The following HS3ST2 variants were observed in gnomAD, a reference collection of about 807,000 sequenced individuals.
HS3ST2 encodes heparan sulfate-glucosamine 3-sulfotransferase 2.
HS3ST2 carries 17 observed loss-of-function variants against 26.3 expected under a neutral mutation model. The observed-to-expected ratio is 0.65, with a 90% CI of 0.44 to 0.97. The LOEUF (loss-of-function observed/expected upper bound fraction) is 0.97. HS3ST2 is among the 50% of genes least tolerant of loss of function. The pLI, the probability that HS3ST2 is intolerant of heterozygous loss-of-function variation, is 0.00. For synonymous variants in HS3ST2, 237 were observed against 219.2 expected, an observed-to-expected ratio of 1.08 and a Z score of -0.72; for missense variants, 402 against 501.2, an observed-to-expected ratio of 0.80 and a Z score of 1.89.
intron 1 of HS3ST2, among the ~76,000 whole-genome samples, chr16:22,901,309 C>T (rs1380025140): frequency 2.6e-5 from 4 of 152,210 alleles, no homozygotes; most frequent in African/African-American, 9.6e-5. Context: ...GTCCTTTGTA[C>T]CAGTATTGCC....
chr16:22,818,687 CTTG>C (rs1439599561), intron 1 of HS3ST2, among the ~76,000 whole-genome samples: 7 of 133,950 alleles, frequency 5.2e-5, no homozygotes, highest in African/African-American at 2.3e-4. Context: ...TCCCTCCCTC[CTTG>C]CCTGCCTTCC....
intron 1 of HS3ST2, among the ~76,000 whole-genome samples, chr16:22,891,699 G>A (rs10492789): frequency 0.046 from 7,049 of 152,008 alleles, 192 homozygotes; most frequent in East Asian, 0.12. Context: ...ATTATGTCTC[G>A]CAATAAAAAA....
chr16:22,823,575 G>T (rs1901034534), intron 1 of HS3ST2, among the ~76,000 whole-genome samples: 1 of 150,702 alleles, frequency 6.6e-6, no homozygotes, highest in South Asian at 2.1e-4. Context: ...CTTCAGCCCA[G>T]GAGTTGGAGA....
chr16:22,833,132 A>T, intron 1 of HS3ST2: 4 of 427,966 alleles, frequency 9.3e-6, no homozygotes, highest in Non-Finnish European at 1.9e-5. Flanking sequence ...CTGGAATTGG[A>T]CACAGAGACT....
At chr16:22,861,113 G>A (rs899952944) in intron 1 of HS3ST2, among the ~76,000 whole-genome samples, 2 of 152,074 alleles carry the variant, frequency 1.3e-5, no homozygotes, top group Non-Finnish European at 2.9e-5. Context: ...CTGAGCTTAG[G>A]CAATCTTCCT....
At chr16:22,836,869 G>A (rs573777001) in intron 1 of HS3ST2, among the ~76,000 whole-genome samples, 33 of 152,072 alleles carry the variant, frequency 2.2e-4, no homozygotes, top group Non-Finnish European at 1.9e-4. Flanking sequence ...TGTTGGCCAG[G>A]CTAGTCTCAA....
intron 1 of HS3ST2, among the ~76,000 whole-genome samples, chr16:22,888,345 C>T (rs374776194): frequency 3.3e-5 from 5 of 149,632 alleles, no homozygotes; most frequent in African/African-American, 1.2e-4. Context: ...GATACAAAGG[C>T]TACTTTTCAA....
intron 1 of HS3ST2, among the ~76,000 whole-genome samples, chr16:22,838,339 G>A (rs894028546): frequency 8.5e-5 from 13 of 152,050 alleles, no homozygotes; most frequent in African/African-American, 1.2e-4. Flanking sequence ...AAGCTGACCC[G>A]CTGAGTATGC....
chr16:22,912,463 T>C (rs1902435262), intron 1 of HS3ST2, among the ~76,000 whole-genome samples: 2 of 152,086 alleles, frequency 1.3e-5, no homozygotes, highest in Non-Finnish European at 2.9e-5. Context: ...TGGTAAATCA[T>C]AGTGTTAGTG....
At chr16:22,886,462 G>A (rs1317741721) in intron 1 of HS3ST2, among the ~76,000 whole-genome samples, 2 of 152,110 alleles carry the variant, frequency 1.3e-5, no homozygotes, top group Non-Finnish European at 1.5e-5. Context: ...CCGGCCTCAC[G>A]GAAAATAGAC....
Position 22,814,602 on chromosome 16 carries a change from C to A in HS3ST2, c.-9C>A. On this transcript the variant is annotated 5_prime_UTR_variant, in exon 1 of 2. Transcript: ENST00000261374. Reference sequence around the variant, plus strand: ...GAAACCATGACCCCCGGCGCGGGCCCATGGAGCCATGGCCTATAGGGTCCT... The same window carrying A: ...GAAACCATGACCCCCGGCGCGGGCCAATGGAGCCATGGCCTATAGGGTCCT... 1 of 1,523,862 alleles carries A rather than the reference C, an allele frequency of 6.6e-7. No homozygotes were observed. The highest frequency in any genetic ancestry group is 8.8e-7 in the Non-Finnish European group (1 of 1,138,522). The allele number at this position is 1,523,862 out of a possible 1,614,324, so 94.4% of individuals were successfully genotyped here. A position where few individuals can be genotyped will look rare whatever the true frequency, so the allele number is the denominator to read the frequency against.
chr16:22,902,003 G>A (rs1323916505), intron 1 of HS3ST2, among the ~76,000 whole-genome samples: 2 of 152,254 alleles, frequency 1.3e-5, no homozygotes, highest in African/African-American at 4.8e-5. Flanking sequence ...CTACAGCCCA[G>A]CCCAGATCCC....
chr16:22,895,192 C>A (rs928071231), intron 1 of HS3ST2, among the ~76,000 whole-genome samples: 4 of 151,710 alleles, frequency 2.6e-5, no homozygotes, highest in Non-Finnish European at 5.9e-5. Context: ...TGAGTTCAAG[C>A]TATTCTCCTG....
At chr16:22,876,267 C>T (rs1567494293) in intron 1 of HS3ST2, among the ~76,000 whole-genome samples, 1 of 151,908 alleles carries the variant, frequency 6.6e-6, no homozygotes, top group Non-Finnish European at 1.5e-5. Flanking sequence ...AACAAATAAT[C>T]TCATCAAAAA....
intron 1 of HS3ST2, among the ~76,000 whole-genome samples, chr16:22,843,402 G>A (rs208941): frequency 0.14 from 20,780 of 152,098 alleles, 1,852 homozygotes; most frequent in East Asian, 0.22. Context: ...CCTCCTGCCC[G>A]CTAGTTGCAA....
intron 1 of HS3ST2, among the ~76,000 whole-genome samples, chr16:22,873,617 C>T (rs995506217): frequency 6.6e-6 from 1 of 152,166 alleles, no homozygotes; most frequent in African/African-American, 2.4e-5. Context: ...AGGATTAAGC[C>T]TAGTCTATCC....
At chr16:22,886,449 C>G (rs1251435383) in intron 1 of HS3ST2, among the ~76,000 whole-genome samples, 1 of 152,150 alleles carries the variant, frequency 6.6e-6, no homozygotes, top group Non-Finnish European at 1.5e-5. Context: ...TGCAGGGATG[C>G]TGCCGGCCTC....
intron 1 of HS3ST2, among the ~76,000 whole-genome samples, chr16:22,870,532 G>T (rs1314509638): frequency 1.3e-5 from 2 of 151,990 alleles, no homozygotes; most frequent in Non-Finnish European, 2.9e-5. Flanking sequence ...AGCCTCCAAG[G>T]TCCTACACCC....
chr16:22,867,858 T>C (rs149591671), intron 1 of HS3ST2, among the ~76,000 whole-genome samples: 108 of 152,302 alleles, frequency 7.1e-4, no homozygotes, highest in Middle Eastern at 3.4e-3. Flanking sequence ...CTGGAGGATG[T>C]TTAGTATAGT....
Sources: allele counts gnomAD v4.1 joint callset (sites outside exome capture counted in the v4.1 genomes callset), GRCh38; gene constraint gnomAD v4.1.1; transcripts MANE v1.5; gene names NCBI Gene and HGNC (gene_info 2026-07-23, HGNC 2026-07-21).